The following PRIM2 variants were observed in gnomAD, a reference collection of about 807,000 sequenced individuals.
PRIM2 encodes DNA primase large subunit.
A neutral mutation model predicts 67.3 loss-of-function variants in PRIM2; 39 were observed. The observed-to-expected ratio is 0.58, with a 90% CI of 0.45 to 0.76. The LOEUF (loss-of-function observed/expected upper bound fraction) is 0.76. Among genes scored for constraint, PRIM2 ranks in the 30% least tolerant of loss-of-function variants. The probability of loss-of-function intolerance (pLI) is 0.00; values close to 1 mark genes in which losing one functional copy is unlikely to be tolerated. For missense variants in PRIM2, 398 were observed against 598.7 expected, an observed-to-expected ratio of 0.66 and a Z score of 3.50; for synonymous variants, 143 against 198.7, an observed-to-expected ratio of 0.72 and a Z score of 2.36.
At chr6:57,456,471 G>A (rs1212079779) in intron 7 of PRIM2, among the ~76,000 whole-genome samples, 1 of 152,084 alleles carries the variant, frequency 6.6e-6, no homozygotes, top group Non-Finnish European at 1.5e-5. Context: ...ATTTCTTGGA[G>A]GCTTTGTTCG....
At chr6:57,454,777 C>G (rs1708490749) in intron 7 of PRIM2, among the ~76,000 whole-genome samples, 1 of 152,140 alleles carries the variant, frequency 6.6e-6, no homozygotes, top group Non-Finnish European at 1.5e-5. Context: ...TTTTGTGTCT[C>G]TATTTCCTTC....
chr6:57,307,703 T>C, the PRIM2 span, among the ~76,000 whole-genome samples: 1 of 152,068 alleles, frequency 6.6e-6, no homozygotes, highest in Admixed American at 6.6e-5. Context: ...AGTGAGAGGG[T>C]CCTTTAGAGT....
At chr6:57,520,325 G>A (rs1554348788) in intron 8 of PRIM2, among the ~76,000 whole-genome samples, 1,845 of 152,182 alleles carry the variant, frequency 0.012, 32 homozygotes, top group African/African-American at 0.042. Flanking sequence ...TCATTTTAAC[G>A]TATTAATTTT....
the PRIM2 span, among the ~76,000 whole-genome samples, chr6:57,285,446 T>A: frequency 6.6e-6 from 1 of 152,230 alleles, no homozygotes; most frequent in Non-Finnish European, 1.5e-5. Context: ...GCTTCATCCC[T>A]GTGATGCAAG....
chr6:57,509,734 C>T (rs1774322433), intron 8 of PRIM2, among the ~76,000 whole-genome samples: 1 of 151,362 alleles, frequency 6.6e-6, no homozygotes, highest in South Asian at 2.1e-4. Flanking sequence ...AAATATTTTT[C>T]CTTCTGCCAC....
intron 5 of PRIM2, among the ~76,000 whole-genome samples, chr6:57,376,916 C>T (rs140418669): frequency 1.3e-4 from 20 of 152,272 alleles, no homozygotes; most frequent in Non-Finnish European, 2.6e-4. Context: ...CTCGCCTTGT[C>T]GCCCAGGCTG....
chr6:57,299,646 C>T, the PRIM2 span, among the ~76,000 whole-genome samples: 11 of 152,094 alleles, frequency 7.2e-5, no homozygotes, highest in Non-Finnish European at 1.5e-4. Flanking sequence ...AAGAATTGAG[C>T]CTGATTATTT....
intron 2 of PRIM2, among the ~76,000 whole-genome samples, chr6:57,320,022 TGTG>T (rs886704642): frequency 6.6e-6 from 1 of 152,214 alleles, no homozygotes; most frequent in African/African-American, 2.4e-5. Context: ...TCTTCACTGT[TGTG>T]CTCTGTCCTC....
intron 7 of PRIM2, among the ~76,000 whole-genome samples, chr6:57,495,378 A>G (rs1554346283): frequency 1.3e-5 from 2 of 152,250 alleles, no homozygotes; most frequent in African/African-American, 4.8e-5. Context: ...AAGGCAAGAT[A>G]TCTATCAAGG....
chr6:57,470,401 C>A (rs1367676356), intron 7 of PRIM2, among the ~76,000 whole-genome samples: 3 of 92,162 alleles, frequency 3.3e-5, no homozygotes, highest in Non-Finnish European at 4.3e-5. Context: ...GCCTCTCCCC[C>A]TCTCCCCTCT....
At chr6:57,635,604 GC>G (rs1777105024) in intron 13 of PRIM2, among the ~76,000 whole-genome samples, 1 of 152,146 alleles carries the variant, frequency 6.6e-6, no homozygotes, top group East Asian at 1.9e-4. Flanking sequence ...AAATGGCTGA[GC>G]ATAATTTTTC....
At chr6:57,221,874 G>A in the PRIM2 span, 3 of 152,562 alleles carry the variant, frequency 2.0e-5, no homozygotes, top group African/African-American at 7.2e-5. Flanking sequence ...CCCTGCCCTC[G>A]ATACCCCTGC....
chr6:57,320,290 C>G (rs1298231785), intron 2 of PRIM2, among the ~76,000 whole-genome samples, 167 bp from the exon 3 acceptor site: 1 of 152,108 alleles, frequency 6.6e-6, no homozygotes. Context: ...TGGACATTAT[C>G]CTCTTATAAG....
intron 7 of PRIM2, among the ~76,000 whole-genome samples, chr6:57,434,649 A>T (rs866288047): frequency 4.4e-5 from 6 of 137,686 alleles, no homozygotes; most frequent in African/African-American, 1.2e-4. Flanking sequence ...CTCTTGATTT[A>T]TTTTTTTTCT....
intron 7 of PRIM2, among the ~76,000 whole-genome samples, chr6:57,402,062 G>A (rs1450814748): frequency 6.6e-6 from 1 of 152,112 alleles, no homozygotes; most frequent in Admixed American, 6.5e-5. Context: ...AGGCCTGGCG[G>A]ACCTGCCCAG....
intron 7 of PRIM2, among the ~76,000 whole-genome samples, chr6:57,471,574 G>A (rs1369619298): frequency 2.0e-5 from 3 of 152,164 alleles, no homozygotes; most frequent in African/African-American, 7.2e-5. Context: ...TGCTAACATT[G>A]GTGGTAGTCA....
chr6:57,431,077 T>C (rs1771811854), intron 7 of PRIM2, among the ~76,000 whole-genome samples: 1 of 152,198 alleles, frequency 6.6e-6, no homozygotes, highest in Non-Finnish European at 1.5e-5. Context: ...AGTGAACATG[T>C]GTACACACAC....
intron 11 of PRIM2, among the ~76,000 whole-genome samples, chr6:57,605,839 A>T (rs1305813303): frequency 3.9e-5 from 6 of 152,188 alleles, no homozygotes; most frequent in Admixed American, 2.6e-4. Flanking sequence ...TTATTTTTTC[A>T]TCTCATTTCC....
At chr6:57,266,855 G>A in the PRIM2 span, among the ~76,000 whole-genome samples, 22 of 152,046 alleles carry the variant, frequency 1.4e-4, no homozygotes, top group African/African-American at 4.8e-4. Flanking sequence ...GTATCTTAAC[G>A]TCCAAAATAA....
Sources: allele counts gnomAD v4.1 joint callset (sites outside exome capture counted in the v4.1 genomes callset), GRCh38; gene constraint gnomAD v4.1.1; transcripts MANE v1.5; gene names NCBI Gene and HGNC (gene_info 2026-07-23, HGNC 2026-07-21).